The following LRRC45 variants were observed in gnomAD, a reference collection of about 807,000 sequenced individuals.
The protein encoded by LRRC45 is leucine-rich repeat-containing protein 45.
In LRRC45, 73 loss-of-function variants were observed where a neutral mutation model predicts 85.4. That is an observed-to-expected ratio of 0.85 (90% CI 0.71 to 1.04). The LOEUF (loss-of-function observed/expected upper bound fraction) is 1.04. Among genes scored for constraint, LRRC45 ranks in the 50% least tolerant of loss-of-function variants. The probability of loss-of-function intolerance (pLI) is 0.00; values close to 1 mark genes in which losing one functional copy is unlikely to be tolerated. For synonymous variants in LRRC45, 429 were observed against 386.0 expected (o/e 1.11, Z -1.31); for missense variants, 937 against 883.3 (o/e 1.06, Z -0.77).
intron 5 of LRRC45, among the ~76,000 whole-genome samples, chr17:82,026,028 G>C (rs2043364902): frequency 6.6e-6 from 1 of 152,138 alleles, no homozygotes; most frequent in Non-Finnish European, 1.5e-5. Context: ...ACTTTGCCAG[G>C]CCCCCCGTAC....
rs2043374425 is a variant in LRRC45 at position 82,027,088 on chromosome 17, C to T, written c.774+77C>T. 6 of 1,268,116 alleles carry T rather than the reference C, an allele frequency of 4.7e-6. No homozygotes were observed. The South Asian group carries it at 5.1e-5, about 11-fold the overall frequency. The allele number at this position is 1,268,116 out of a possible 1,614,324, so 78.6% of individuals were successfully genotyped here. A position where few individuals can be genotyped will look rare whatever the true frequency, so the allele number is the denominator to read the frequency against. ...GGCCACGTCCTTCCTCCCTCAGCCC[C>T]GTGGTCTGCCCATCTTCCCTTCCTC... On this transcript the variant is annotated intron_variant, in intron 6 of 16. Coordinates refer to ENST00000306688, the MANE Select transcript of LRRC45 (RefSeq NM_144999.4).
Position 82,030,779 on chromosome 17 carries a change from G to A in LRRC45, c.1987G>A (p.Val663Met), listed in dbSNP as rs765118570. 5.6e-6 allele frequency: 8 copies of A among 1,420,166 alleles called. No homozygotes were observed. In the Admixed American group the frequency reaches 9.5e-5, roughly 17 times the overall value. The allele number at this position is 1,420,166 out of a possible 1,614,324, so 88.0% of individuals were successfully genotyped here. A position where few individuals can be genotyped will look rare whatever the true frequency, so the allele number is the denominator to read the frequency against. The part of the protein sequence containing the change: ...AVLAYVQASP[V>M]RTLSPPK ...CCTGGCTTACGTGCAGGCGTCCCCCGTGAGGACCCTGAGCCCCCCAAAGTG... is the reference window on the plus strand; with the variant it reads ...CCTGGCTTACGTGCAGGCGTCCCCCATGAGGACCCTGAGCCCCCCAAAGTG... Residue 663 changes from valine (V) to methionine (M), a missense_variant, in exon 17 of 17, where the codon GTG becomes ATG. Transcript: ENST00000306688.
chr17:82,029,370 C>T, intron 13 of LRRC45, 173 bp from the exon 14 acceptor site: 1 of 906,752 alleles, frequency 1.1e-6, no homozygotes, highest in Non-Finnish European at 1.7e-6. Context: ...GGCATTCGGA[C>T]TTCCTTGGCC....
intron 13 of LRRC45, 80 bp from the exon 14 acceptor site, chr17:82,029,463 G>C: frequency 6.9e-7 from 1 of 1,454,896 alleles, no homozygotes; most frequent in South Asian, 1.2e-5. Context: ...CCCCTGGCTG[G>C]GGTTGGCTGG....
chr17:82,026,825 C>G lies in LRRC45; in HGVS notation c.662-74C>G. On this transcript the variant is annotated intron_variant, in intron 5 of 16. Coordinates refer to ENST00000306688, the MANE Select transcript of LRRC45 (RefSeq NM_144999.4). ...GAACCCCTGACCTCAGGTGATCCAC[C>G]CACCTCGACCTCCCAAAGTGCTGGG... The G allele has an allele frequency of 4.9e-6, 6 of 1,213,420 alleles. No individual in the cohort carries two copies. In the South Asian group the frequency reaches 7.7e-5, roughly 16 times the overall value. 75.2% of individuals were successfully genotyped at this position (1,213,420 alleles called of 1,614,324 possible). A position where few individuals can be genotyped will look rare whatever the true frequency, so the allele number is the denominator to read the frequency against.
At chr17:82,025,263 T>C in intron 4 of LRRC45, 85 bp downstream of exon 4, 1 of 1,529,598 alleles carries the variant, frequency 6.5e-7, no homozygotes, top group South Asian at 1.3e-5. Context: ...GGGACTGGCC[T>C]GTGCTCCTGC....
At chr17:82,029,783 G>A (rs572042390) in intron 14 of LRRC45, 148 bp downstream of exon 14, 8 of 853,218 alleles carry the variant, frequency 9.4e-6, no homozygotes, top group African/African-American at 5.0e-5. Context: ...TGGTGGGTCC[G>A]CTTCAGCCTT....
intron 14 of LRRC45, 88 bp from the exon 15 acceptor site, chr17:82,029,975 CAG>C: frequency 7.1e-7 from 1 of 1,408,022 alleles, no homozygotes; most frequent in South Asian, 1.5e-5. Context: ...GCCAGTCCTG[CAG>C]AGAGGTGGGG....
rs745322891 is a variant in LRRC45 at position 82,026,926 on chromosome 17, G to T, written c.689G>T (p.Arg230Leu). The T allele has an allele frequency of 1.9e-6, 3 of 1,607,280 alleles. No individual in the cohort carries two copies. In the South Asian group the frequency reaches 3.3e-5, roughly 18 times the overall value. ...VEQAMGHSQD[R>L]LTTFQENQAR... The stretch of plus-strand genomic sequence containing the variant: ...CAAGCCATGGGCCACAGCCAGGACC[G>T]GCTCACCACCTTCCAGGAGAACCAA... The change falls in exon 6 of 17, where the codon CGG becomes CTG. Residue 230 changes from arginine (R) to leucine (L), a missense_variant. Physicochemically the swap from Arg to Leu is moderately radical, Grantham distance 102 (BLOSUM62 -2). Transcript: ENST00000306688.
chr17:82,030,124 G>C lies in LRRC45; in HGVS notation c.1554G>C (p.Glu518Asp). ...KLRLLAQARD[E>D]AQGACLQQKQ... ...GACTGCTGGCGCAGGCACGGGACGA[G>C]GCGCAGGGCGCTTGCCTACAGCAGA... Residue 518 changes from glutamate (E) to aspartate (D), a missense_variant, in exon 15 of 17, where the codon GAG (glutamate) becomes GAC (aspartate). Glu to Asp is a conservative substitution (Grantham distance 45, BLOSUM62 2). Coordinates refer to ENST00000306688, the MANE Select transcript of LRRC45 (RefSeq NM_144999.4). The C allele has an allele frequency of 6.5e-7, 1 of 1,547,794 alleles. No individual in the cohort carries two copies. Among genetic ancestry groups the C allele is most frequent in the Non-Finnish European group, 8.7e-7 (1 of 1,146,962 alleles).
Position 82,030,319 on chromosome 17 carries a change from G to A in LRRC45, c.1669G>A (p.Glu557Lys). The A allele has an allele frequency of 1.9e-6, 3 of 1,548,972 alleles. No homozygotes were observed. The highest frequency in any genetic ancestry group is 2.6e-6 in the Non-Finnish European group (3 of 1,146,122). Residue 557 changes from glutamate to lysine, a missense_variant and splice_region_variant, in exon 16 of 17, where the codon GAG becomes AAG. By Grantham distance (56) the Glu-to-Lys change is moderately conservative (BLOSUM62 1). Coordinates refer to ENST00000306688, the MANE Select transcript of LRRC45 (RefSeq NM_144999.4). Reference sequence around the variant, plus strand: ...ACTCCCCAGCCTTCGTGCCTGGCAGGAGCTGAGCCTCAAGGACCAGGAAAG... The same window carrying A: ...ACTCCCCAGCCTTCGTGCCTGGCAGAAGCTGAGCCTCAAGGACCAGGAAAG... ...LRRRLEELQQ[E>K]LSLKDQERVA...
chr17:82,023,455 G>A lies in LRRC45; in HGVS notation c.-189G>A, dbSNP rs985086318. ...GCACTGCGGGGCCCCAGCCCAAAGC[G>A]GACCTTGACTACCGCCCAGCCCCGC... On this transcript the variant is annotated 5_prime_UTR_variant, in exon 1 of 17. Coordinates refer to ENST00000306688, the MANE Select transcript of LRRC45 (RefSeq NM_144999.4). 1.2e-5 allele frequency: 7 copies of A among 573,908 alleles called. No individual in the cohort carries two copies. Among genetic ancestry groups the A allele is most frequent in the Non-Finnish European group, 2.1e-5 (7 of 331,286 alleles). The allele number at this position is 573,908 out of a possible 1,614,324, so 35.6% of individuals were successfully genotyped here. A position where few individuals can be genotyped will look rare whatever the true frequency, so the allele number is the denominator to read the frequency against.
rs1390193192 is a variant in LRRC45 at position 82,030,479 on chromosome 17, C to G, written c.1816+13C>G. On this transcript the variant is annotated intron_variant, in intron 16 of 16. Transcript: ENST00000306688. ...CGCCAGCTGAAAGGTGAGCCAGACCCTTGTCCTCCCGCCGCCCACTGGTGG... is the reference window on the plus strand; with the variant it reads ...CGCCAGCTGAAAGGTGAGCCAGACCGTTGTCCTCCCGCCGCCCACTGGTGG... 4 of 1,537,696 alleles carry G rather than the reference C, an allele frequency of 2.6e-6. No individual in the cohort carries two copies. The highest frequency in any genetic ancestry group is 3.5e-6 in the Non-Finnish European group (4 of 1,144,996).
chr17:82,024,359 G>C lies in LRRC45; in HGVS notation c.282+20G>C. ...TTAAAGGTGAGATACCTGCACTCTT[G>C]AGTGTCCGAGTGTGCCACCCAAGGG... On this transcript the variant is annotated intron_variant, in intron 2 of 16. Transcript: ENST00000306688. 1 of 1,611,688 alleles carries C rather than the reference G, an allele frequency of 6.2e-7. No individual in the cohort carries two copies. The highest frequency in any genetic ancestry group is 8.5e-7 in the Non-Finnish European group (1 of 1,179,766).
At chr17:82,026,387 C>T (rs1468233870) in intron 5 of LRRC45, among the ~76,000 whole-genome samples, 1 of 152,168 alleles carries the variant, frequency 6.6e-6, no homozygotes, top group Non-Finnish European at 1.5e-5. Flanking sequence ...GGCTCTTGCT[C>T]ACAGCCCGAA....
At chr17:82,028,542 G>A in intron 11 of LRRC45, 34 bp downstream of exon 11, 2 of 1,611,806 alleles carry the variant, frequency 1.2e-6, no homozygotes, top group Non-Finnish European at 1.7e-6. Context: ...GGAGGGGCCT[G>A]GGGATGGGCA....
intron 1 of LRRC45, 107 bp downstream of exon 1, chr17:82,023,970 A>G: frequency 8.9e-7 from 1 of 1,118,336 alleles, no homozygotes; most frequent in South Asian, 1.5e-5. Context: ...TCTGTGCCGT[A>G]GTTAAAGCGA....
In LRRC45 at chr17:82,025,509, T is replaced by G. The variant is rs1027583383; in HGVS notation, c.661+2T>G. The G allele has an allele frequency of 6.3e-7, 1 of 1,599,212 alleles. No individual in the cohort carries two copies. The highest frequency in any genetic ancestry group is 8.5e-7 in the Non-Finnish European group (1 of 1,172,830). On this transcript the variant is annotated splice_donor_variant, in intron 5 of 16. Transcript: ENST00000306688. LOFTEE classifies it high-confidence loss of function. ...CTGGAGACGTCCTCAGAGCCGTGGG[T>G]ACGGTGCAGGGCTGTGTGGAGTGAC...
chr17:82,028,720 C>T, intron 12 of LRRC45, 37 bp downstream of exon 12: 1 of 1,585,436 alleles, frequency 6.3e-7, no homozygotes, highest in Non-Finnish European at 8.6e-7. Flanking sequence ...GCCTCAGTCT[C>T]TGGTCTTGGT....
Sources: allele counts gnomAD v4.1 joint callset (sites outside exome capture counted in the v4.1 genomes callset), GRCh38; gene constraint gnomAD v4.1.1; transcripts MANE v1.5; gene names NCBI Gene and HGNC (gene_info 2026-07-23, HGNC 2026-07-21).